The following AGAP1 variants were observed in gnomAD, a reference collection of about 807,000 sequenced individuals.
The protein encoded by AGAP1 is ArfGAP with GTPase domain, ankyrin repeat and PH domain 1, also known as arf-GAP with GTPase, ANK repeat and PH domain-containing protein 1.
In AGAP1, 29 loss-of-function variants were observed where a neutral mutation model predicts 105.3. The observed-to-expected ratio is 0.28, with a 90% confidence interval of 0.21 to 0.38. AGAP1 has a LOEUF of 0.38. AGAP1 is among the 10% of genes least tolerant of loss of function. AGAP1 has a pLI of 1.00. For missense variants in AGAP1, 998 were observed against 1,165.1 expected, an observed-to-expected ratio of 0.86 and a Z score of 2.09; for synonymous variants, 509 against 485.9, an observed-to-expected ratio of 1.05 and a Z score of -0.63.
At chr2:236,063,106 T>C (rs1451415991) in intron 16 of AGAP1, among the ~76,000 whole-genome samples, 2 of 152,050 alleles carry the variant, frequency 1.3e-5, no homozygotes, top group Non-Finnish European at 2.9e-5. Flanking sequence ...GACTTTTATT[T>C]TTTTTGAGCC....
In AGAP1 at chr2:235,877,696, T is replaced by C. The variant is rs2049812715; in HGVS notation, c.1051-5649T>C. Reference sequence around the variant, plus strand: ...TAGTGATTAAAATACACTCAAAAATTTAAAAATTCTCTTGGAGAAATTATG... The same window carrying C: ...TAGTGATTAAAATACACTCAAAAATCTAAAAATTCTCTTGGAGAAATTATG... On this transcript the variant is annotated intron_variant, in intron 9 of 17. Coordinates refer to ENST00000304032, the MANE Select transcript of AGAP1 (RefSeq NM_001037131.3). This position sits in a 1 kb window ranked among gnomAD's most constrained non-coding sequence, Gnocchi z 4.3. Among the ~76,000 whole-genome samples the C allele has an allele frequency of 6.6e-6, 1 of 152,134 alleles. No individual in the cohort carries two copies. Among genetic ancestry groups the C allele is most frequent in the African/African-American group, 2.4e-5 (1 of 41,438 alleles).
rs1391799047 is a variant in AGAP1 at position 235,882,244 on chromosome 2, TGC to T, written c.1051-1100_1051-1099del. On this transcript the variant is annotated intron_variant, in intron 9 of 17. Transcript: ENST00000304032. This position sits in a 1 kb window ranked among gnomAD's most constrained non-coding sequence, Gnocchi z 4.6. ...GAGACCCACAGGCCAGTGGCATCGGTGCAGAGTGCCCAGGTTCACAATGCAGC... is the reference window on the plus strand; with the variant it reads ...GAGACCCACAGGCCAGTGGCATCGGTAGAGTGCCCAGGTTCACAATGCAGC... 1 of 485,210 alleles carries T rather than the reference TGC, an allele frequency of 2.1e-6. No homozygotes were observed. The highest frequency in any genetic ancestry group is 2.0e-5 in the African/African-American group (1 of 50,358). The allele number at this position is 485,210 out of a possible 1,614,324, so 30.1% of individuals were successfully genotyped here.
At position 236,114,684 on chromosome 2, in the gene AGAP1, G is replaced by A. The variant is rs569332124; in HGVS notation, c.2115-5508G>A. 3.3e-5 allele frequency among the ~76,000 whole-genome samples: 5 copies of A among 152,224 alleles called. No individual in the cohort carries two copies. Among genetic ancestry groups the A allele is most frequent in the East Asian group, 3.9e-4 (2 of 5,166 alleles). The stretch of plus-strand genomic sequence containing the variant: ...TCACCAGTGTCTCGTCCTCTTATAC[G>A]GGCACCTGGCTTATTGAATTAGGGC... On this transcript the variant is annotated intron_variant, in intron 16 of 17. Coordinates refer to ENST00000304032, the MANE Select transcript of AGAP1 (RefSeq NM_001037131.3). This position sits in a 1 kb window ranked among gnomAD's most constrained non-coding sequence, Gnocchi z 5.0.
Position 236,012,928 on chromosome 2 carries a change from G to A in AGAP1, c.1646-23633G>A, listed in dbSNP as rs1373811741. On this transcript the variant is annotated intron_variant, in intron 13 of 17. Transcript: ENST00000304032. This position sits in a 1 kb window ranked among gnomAD's most constrained non-coding sequence, Gnocchi z 4.9. ...TGCACAGCTAATTTTTGTATTTTTA[G>A]TAGAGACGGTGTTTTGCCATGTTGG... Among the ~76,000 whole-genome samples, 1 of 152,102 alleles carries A rather than the reference G, an allele frequency of 6.6e-6. No homozygotes were observed. The highest frequency in any genetic ancestry group is 1.5e-5 in the Non-Finnish European group (1 of 68,028).
intron 1 of AGAP1, among the ~76,000 whole-genome samples, chr2:235,548,874 T>G (rs1342076085): frequency 6.6e-6 from 1 of 152,202 alleles, no homozygotes; most frequent in Non-Finnish European, 1.5e-5. Context: ...GCCCCGTTTT[T>G]GAACATAAAG....
rs143808745 is a variant in AGAP1, at chr2:236,083,348, C to T, written c.2114+34067C>T. Among the ~76,000 whole-genome samples, 473 of 152,256 alleles carry T rather than the reference C, an allele frequency of 3.1e-3. 2 individuals carry two copies. Among genetic ancestry groups the T allele is most frequent in the African/African-American group, 0.011 (458 of 41,550 alleles). On this transcript the variant is annotated intron_variant, in intron 16 of 17. Transcript: ENST00000304032. The surrounding 1 kb of genome is among the most constrained non-coding windows in gnomAD (Gnocchi z 5.3). ...CGTCGTCCTCCTCACGGGCTCTTTA[C>T]GTTGACATTGTGGCTTTGGAGGCTG... is the stretch of plus-strand genomic sequence containing the variant.
At chr2:235,534,323 A>G (rs1008678940) in intron 1 of AGAP1, among the ~76,000 whole-genome samples, 3 of 152,162 alleles carry the variant, frequency 2.0e-5, no homozygotes, top group African/African-American at 7.2e-5. Context: ...GTCCATGTTT[A>G]ATAAGAGGTC....
At chr2:235,998,712 T>C (rs909664429) in intron 13 of AGAP1, among the ~76,000 whole-genome samples, 2 of 80,194 alleles carry the variant, frequency 2.5e-5, no homozygotes, top group East Asian at 6.9e-4. Flanking sequence ...ATGATGATAG[T>C]GGTGATGATG....
Position 236,128,515 on chromosome 2 carries a change from C to T in AGAP1, c.*4393C>T, listed in dbSNP as rs1213145473. On this transcript the variant is annotated 3_prime_UTR_variant, in exon 18 of 18. Coordinates refer to ENST00000304032, the MANE Select transcript of AGAP1 (RefSeq NM_001037131.3). This position sits in a 1 kb window ranked among gnomAD's most constrained non-coding sequence, Gnocchi z 5.9. ...TCGCCGTGCTTGGCTGCAGGCCCGT[C>T]CCTCTCTCCCCATCCTCGGGTTCCC... 2 of 152,322 alleles carry T rather than the reference C, an allele frequency of 1.3e-5. No homozygotes were observed. Among genetic ancestry groups the T allele is most frequent in the Admixed American group, 6.5e-5 (1 of 15,276 alleles). The allele number at this position is 152,322 out of a possible 1,614,324, so 9.4% of individuals were successfully genotyped here. A position where few individuals can be genotyped will look rare whatever the true frequency, so the allele number is the denominator to read the frequency against.
Position 236,073,094 on chromosome 2 carries a change from C to T in AGAP1, c.2114+23813C>T, listed in dbSNP as rs1451883430. 4.6e-5 allele frequency among the ~76,000 whole-genome samples: 7 copies of T among 151,936 alleles called. No homozygotes were observed. Among genetic ancestry groups the T allele is most frequent in the South Asian group, 2.1e-4 (1 of 4,810 alleles). On this transcript the variant is annotated intron_variant, in intron 16 of 17. Coordinates refer to ENST00000304032, the MANE Select transcript of AGAP1 (RefSeq NM_001037131.3). This position sits in a 1 kb window ranked among gnomAD's most constrained non-coding sequence, Gnocchi z 5.4. ...CACTGCAACTTCCGCCTCCCAGATTCGAGCGATTCTCCTGCCTTGGTCCCC... is the reference window on the plus strand; with the variant it reads ...CACTGCAACTTCCGCCTCCCAGATTTGAGCGATTCTCCTGCCTTGGTCCCC...
At position 235,750,919 on chromosome 2, in the gene AGAP1, A is replaced by C. The variant is rs922598743; in HGVS notation, c.673+431A>C. On this transcript the variant is annotated intron_variant, in intron 6 of 17. Transcript: ENST00000304032. The surrounding 1 kb of genome is among the most constrained non-coding windows in gnomAD (Gnocchi z 5.3). ...GAAGAGAACTGAAAGGAGGAGAGAG[A>C]GAGTCAAGTTTGGACCTCCCCCCAC... 1.3e-5 allele frequency among the ~76,000 whole-genome samples: 2 copies of C among 152,174 alleles called. No individual in the cohort carries two copies. The highest frequency in any genetic ancestry group is 2.9e-5 in the Non-Finnish European group (2 of 68,038).
rs139942712 is a variant in AGAP1 at position 235,698,193 on chromosome 2, G to A, written c.164-10986G>A. ...TGCACTCCTGTGAGACTCTAATGCC[G>A]CCGCTGATATGACAGGAGGCGGGGC... is the stretch of plus-strand genomic sequence containing the variant. On this transcript the variant is annotated intron_variant, in intron 1 of 17. Transcript: ENST00000304032. 1.7e-3 allele frequency among the ~76,000 whole-genome samples: 258 copies of A among 152,168 alleles called. 1 individual carries two copies. The highest frequency in any genetic ancestry group is 6.0e-3 in the African/African-American group (250 of 41,522).
In AGAP1 at chr2:235,740,383, G is replaced by A. The variant is rs961993779; in HGVS notation, c.311-580G>A. The stretch of plus-strand genomic sequence containing the variant: ...AGCCGCTGCTCTGCTGTCTCCACCC[G>A]TGCGGAGGTCCCATCCAGTAGTTTC... On this transcript the variant is annotated intron_variant, in intron 3 of 17. Coordinates refer to ENST00000304032, the MANE Select transcript of AGAP1 (RefSeq NM_001037131.3). This position sits in a 1 kb window ranked among gnomAD's most constrained non-coding sequence, Gnocchi z 5.7. Among the ~76,000 whole-genome samples the A allele has an allele frequency of 1.3e-5, 2 of 152,138 alleles. No homozygotes were observed. The highest frequency in any genetic ancestry group is 2.9e-5 in the Non-Finnish European group (2 of 68,032).
intron 16 of AGAP1, among the ~76,000 whole-genome samples, chr2:236,107,377 C>G (rs1191368109): frequency 6.6e-6 from 1 of 152,200 alleles, no homozygotes; most frequent in Non-Finnish European, 1.5e-5. Flanking sequence ...CACGCATCCT[C>G]CCTGCCGGGC....
intron 16 of AGAP1, among the ~76,000 whole-genome samples, chr2:236,117,430 T>A (rs981144022): frequency 2.0e-5 from 3 of 152,184 alleles, no homozygotes; most frequent in Non-Finnish European, 4.4e-5. Flanking sequence ...CTCCAGCAGT[T>A]CCCGGGGAGA....
In AGAP1 at chr2:235,904,887, A is replaced by T. The variant is rs1177553813; in HGVS notation, c.1156-3851A>T. Among the ~76,000 whole-genome samples, 1 of 152,130 alleles carries T rather than the reference A, an allele frequency of 6.6e-6. No homozygotes were observed. Among genetic ancestry groups the T allele is most frequent in the Admixed American group, 6.5e-5 (1 of 15,268 alleles). ...GCGCTGAGTCGGAGGGCTTTTATTG[A>T]GTAGGAAATGCATTTTGTAAAATTT... On this transcript the variant is annotated intron_variant, in intron 10 of 17. Transcript: ENST00000304032. This position sits in a 1 kb window ranked among gnomAD's most constrained non-coding sequence, Gnocchi z 4.2.
chr2:235,760,026 A>C (rs1444179636), intron 6 of AGAP1, among the ~76,000 whole-genome samples: 2 of 152,198 alleles, frequency 1.3e-5, no homozygotes, highest in African/African-American at 4.8e-5. Flanking sequence ...TTTACTGATG[A>C]GAGAAGCTTC....
intron 10 of AGAP1, among the ~76,000 whole-genome samples, chr2:235,886,511 G>C (rs2050283580): frequency 6.6e-6 from 1 of 152,114 alleles, no homozygotes; most frequent in Admixed American, 6.5e-5. Context: ...CTATCCACAG[G>C]CTTTTTTTTG....
chr2:235,791,847 G>T (rs1275165359), intron 6 of AGAP1, among the ~76,000 whole-genome samples: 1 of 152,098 alleles, frequency 6.6e-6, no homozygotes, highest in Non-Finnish European at 1.5e-5. Context: ...TCACCCAGCC[G>T]GGAAGAGCCT....
Sources: allele counts gnomAD v4.1 joint callset (sites outside exome capture counted in the v4.1 genomes callset), GRCh38; gene constraint gnomAD v4.1.1; non-coding constraint Gnocchi (gnomAD v3.1); transcripts MANE v1.5; gene names NCBI Gene and HGNC (gene_info 2026-07-23, HGNC 2026-07-21).